MARCHF1: variants seen among roughly 807,000 people sequenced by gnomAD.
MARCHF1 encodes the protein E3 ubiquitin-protein ligase MARCHF1.
Under a neutral mutation model 54.2 loss-of-function variants are expected in MARCHF1, and 40 were observed. The ratio of observed to expected loss-of-function variants is 0.74; its 90% CI spans 0.57 to 0.96. The LOEUF (loss-of-function observed/expected upper bound fraction) is 0.96. MARCHF1 is among the 40% of genes least tolerant of loss of function. The pLI, the probability that MARCHF1 is intolerant of heterozygous loss-of-function variation, is 0.00. For synonymous variants in MARCHF1, 236 were observed against 236.3 expected (o/e 1.00, Z 0.01); for missense variants, 586 against 656.5 (o/e 0.89, Z 1.17).
chr4:164,233,619 A>G (rs898373310), intron 1 of MARCHF1, among the ~76,000 whole-genome samples: 1 of 152,084 alleles, frequency 6.6e-6, no homozygotes, highest in African/African-American at 2.4e-5. Context: ...CTTTAAAACC[A>G]TGGCTTGAGT....
chr4:164,102,239 G>A (rs1473722768), intron 2 of MARCHF1, among the ~76,000 whole-genome samples: 1 of 76,082 alleles, frequency 1.3e-5, no homozygotes, highest in Non-Finnish European at 2.7e-5. Context: ...GCAGGCCAAC[G>A]TTCAGATTCA....
At chr4:163,843,705 G>A (rs185204894) in intron 4 of MARCHF1, among the ~76,000 whole-genome samples, 31 of 151,902 alleles carry the variant, frequency 2.0e-4, no homozygotes, top group South Asian at 2.1e-4. Flanking sequence ...ACTTGCCCCC[G>A]ACAGGACCCA....
intron 2 of MARCHF1, among the ~76,000 whole-genome samples, chr4:164,021,234 G>C (rs189137751): frequency 4.7e-4 from 72 of 152,178 alleles, no homozygotes; most frequent in South Asian, 1.7e-3. Flanking sequence ...GCCTAATTGT[G>C]GTCTAGCCAG....
chr4:164,275,097 TATA>T (rs1253109157), intron 1 of MARCHF1, among the ~76,000 whole-genome samples: 1 of 151,518 alleles, frequency 6.6e-6, no homozygotes, highest in African/African-American at 2.4e-5. Flanking sequence ...AAAGGAATAA[TATA>T]ATAATTTTCT....
At chr4:164,050,106 C>A (rs13102181) in intron 2 of MARCHF1, among the ~76,000 whole-genome samples, 1 of 151,604 alleles carries the variant, frequency 6.6e-6, no homozygotes, top group African/African-American at 2.4e-5. Flanking sequence ...AAAGCCCTAT[C>A]TCTACTAAAA....
chr4:163,640,567 G>A (rs1742517248), intron 5 of MARCHF1, among the ~76,000 whole-genome samples: 2 of 152,006 alleles, frequency 1.3e-5, no homozygotes, highest in Non-Finnish European at 1.5e-5. Flanking sequence ...CCATAGCCAT[G>A]GATACTTTTA....
At chr4:164,121,021 AT>A (rs1166653145) in intron 1 of MARCHF1, among the ~76,000 whole-genome samples, 1 of 152,078 alleles carries the variant, frequency 6.6e-6, no homozygotes, top group Non-Finnish European at 1.5e-5. Context: ...GAAATAAAAA[AT>A]ATCAAGGAAA....
intron 2 of MARCHF1, among the ~76,000 whole-genome samples, chr4:164,051,125 CAAT>C (rs1261462956): frequency 1.3e-5 from 2 of 152,082 alleles, no homozygotes; most frequent in Non-Finnish European, 2.9e-5. Flanking sequence ...CAATTTGGCA[CAAT>C]GTTTCAAAAG....
At chr4:163,638,516 G>A (rs970918629) in intron 5 of MARCHF1, among the ~76,000 whole-genome samples, 3 of 152,164 alleles carry the variant, frequency 2.0e-5, no homozygotes, top group Non-Finnish European at 4.4e-5. Context: ...CAGAAGCTGA[G>A]CACATGCTGG....
chr4:164,199,393 G>A (rs1025685954), intron 1 of MARCHF1, among the ~76,000 whole-genome samples: 1 of 152,086 alleles, frequency 6.6e-6, no homozygotes, highest in Non-Finnish European at 1.5e-5. Flanking sequence ...TGTAATCCCA[G>A]CACTTTGGAA....
At chr4:163,930,691 T>C (rs571821998) in intron 3 of MARCHF1, among the ~76,000 whole-genome samples, 2 of 152,230 alleles carry the variant, frequency 1.3e-5, no homozygotes, top group South Asian at 4.1e-4. Flanking sequence ...TCACAGGTTT[T>C]GGTTCACTAG....
chr4:164,017,826 C>T (rs1244183250), intron 2 of MARCHF1, among the ~76,000 whole-genome samples: 1 of 108,714 alleles, frequency 9.2e-6, no homozygotes, highest in Non-Finnish European at 1.9e-5. Context: ...ATGCAAAGAA[C>T]CTAAATTAGC....
At chr4:164,231,177 GAAAGA>G (rs2111179860) in intron 1 of MARCHF1, among the ~76,000 whole-genome samples, 1 of 151,958 alleles carries the variant, frequency 6.6e-6, no homozygotes, top group South Asian at 2.1e-4. Context: ...TTTTGATGAA[GAAAGA>G]AAAGGATAAA....
At chr4:163,587,391 C>T (rs1560958215) in intron 7 of MARCHF1, among the ~76,000 whole-genome samples, 1 of 152,070 alleles carries the variant, frequency 6.6e-6, no homozygotes, top group Non-Finnish European at 1.5e-5. Flanking sequence ...TGGTGGACTG[C>T]ATAAAGAAAA....
intron 3 of MARCHF1, among the ~76,000 whole-genome samples, chr4:163,870,625 T>C (rs930278072): frequency 6.6e-6 from 1 of 152,146 alleles, no homozygotes; most frequent in East Asian, 1.9e-4. Flanking sequence ...CCGCTTTTTC[T>C]GTTGTAGCTT....
chr4:164,005,109 C>T (rs1753260512), intron 2 of MARCHF1, among the ~76,000 whole-genome samples: 1 of 151,048 alleles, frequency 6.6e-6, no homozygotes, highest in Non-Finnish European at 1.5e-5. Flanking sequence ...TTACCAATAA[C>T]AAAGATAAGA....
In MARCHF1 at chr4:164,124,852, G is replaced by T. The variant is rs146857279; in HGVS notation, c.-322-13190C>A. Among the ~76,000 whole-genome samples the T allele has an allele frequency of 3.6e-3, 553 of 152,126 alleles. 2 individuals carry two copies. The highest frequency in any genetic ancestry group is 0.013 in the African/African-American group (527 of 41,508). ...TAAAAAAAGAATATATACAAAGAAT[G>T]AATAAGACCTACTATTTGATAGCAC... On this transcript the variant is annotated intron_variant, in intron 1 of 9. Transcript: ENST00000514618.
chr4:163,566,231 G>A (rs1278934015), intron 8 of MARCHF1, among the ~76,000 whole-genome samples: 3 of 152,128 alleles, frequency 2.0e-5, no homozygotes, highest in South Asian at 2.1e-4. Context: ...CAACACTGTC[G>A]CATGCTGCGA....
chr4:164,039,812 C>T (rs1560874682), intron 2 of MARCHF1, among the ~76,000 whole-genome samples: 1 of 151,776 alleles, frequency 6.6e-6, no homozygotes, highest in Non-Finnish European at 1.5e-5. Context: ...GTGGTCTTTA[C>T]TGGGGATCAT....
Sources: allele counts gnomAD v4.1 joint callset (sites outside exome capture counted in the v4.1 genomes callset), GRCh38; gene constraint gnomAD v4.1.1; transcripts MANE v1.5; gene names NCBI Gene and HGNC (gene_info 2026-07-23, HGNC 2026-07-21).